HS3ST2: variants seen among roughly 807,000 people sequenced by gnomAD.
HS3ST2 encodes the protein heparan sulfate-glucosamine 3-sulfotransferase 2.
Under a neutral mutation model 26.3 loss-of-function variants are expected in HS3ST2, and 17 were observed. The observed-to-expected ratio is 0.65, with a 90% CI of 0.44 to 0.97. HS3ST2 has a LOEUF of 0.97. HS3ST2 is among the 50% of genes least tolerant of loss of function. HS3ST2 has a pLI of 0.00. For missense variants in HS3ST2, 402 were observed against 501.2 expected (o/e 0.80, Z 1.89); for synonymous variants, 237 against 219.2 (o/e 1.08, Z -0.72).
rs150544341 is a variant in HS3ST2, at chr16:22,848,722, C to T, written c.485+33627C>T. 1.8e-3 allele frequency among the ~76,000 whole-genome samples: 269 copies of T among 152,320 alleles called. 1 individual carries two copies. Among genetic ancestry groups the T allele is most frequent in the African/African-American group, 5.9e-3 (246 of 41,578 alleles). ...GCTGGTCTCTTGGAAAAGTGCTCTA[C>T]GTATTCAAGTTGATTTCTCTCTCCC... On this transcript the variant is annotated intron_variant, in intron 1 of 1. Coordinates refer to ENST00000261374, the MANE Select transcript of HS3ST2 (RefSeq NM_006043.2).
chr16:22,861,514 GGA>G (rs1901673983), intron 1 of HS3ST2, among the ~76,000 whole-genome samples: 1 of 151,960 alleles, frequency 6.6e-6, no homozygotes, highest in African/African-American at 2.4e-5. Flanking sequence ...ACCATCCCCA[GGA>G]CCAGCCTTGG....
intron 1 of HS3ST2, among the ~76,000 whole-genome samples, chr16:22,827,950 T>C (rs1476461626): frequency 3.9e-5 from 6 of 152,014 alleles, no homozygotes; most frequent in Admixed American, 3.9e-4. Flanking sequence ...CAAGCAATCC[T>C]CCTGCCTTGG....
intron 1 of HS3ST2, among the ~76,000 whole-genome samples, chr16:22,874,462 G>A (rs1901883718): frequency 6.6e-6 from 1 of 152,176 alleles, no homozygotes; most frequent in South Asian, 2.1e-4. Flanking sequence ...AGACACCGCT[G>A]TCCTCAAGCC....
intron 1 of HS3ST2, among the ~76,000 whole-genome samples, chr16:22,841,018 T>A (rs1044775899): frequency 3.0e-5 from 4 of 134,878 alleles, no homozygotes; most frequent in Non-Finnish European, 6.2e-5. Context: ...CCTGTGTCCA[T>A]GTGTTCTCAT....
Position 22,915,300 on chromosome 16 carries a change from C to T in HS3ST2, c.842C>T (p.Pro281Leu), listed in dbSNP as rs1364063515. 3 of 1,613,856 alleles carry T rather than the reference C, an allele frequency of 1.9e-6. No homozygotes were observed. The highest frequency in any genetic ancestry group is 2.5e-6 in the Non-Finnish European group (3 of 1,180,010). The stretch of plus-strand genomic sequence containing the variant: ...AGTGGCGAGCGACTCATCACTGACC[C>T]GGCCGGCGAGATGGGGCGAGTCCAG... Reference protein sequence around the residue: ...FVSGERLITDPAGEMGRVQDF... With the variant: ...FVSGERLITDLAGEMGRVQDF... The change falls in exon 2 of 2, where the codon CCG becomes CTG. Residue 281 changes from proline to leucine, a missense_variant. Pro to Leu is a moderately conservative substitution (Grantham distance 98). Transcript: ENST00000261374.
intron 1 of HS3ST2, among the ~76,000 whole-genome samples, chr16:22,819,713 T>G (rs191890843): frequency 6.6e-6 from 1 of 152,354 alleles, no homozygotes; most frequent in East Asian, 1.9e-4. Context: ...TCAGCATCGA[T>G]GATGTTCTTG....
Position 22,883,281 on chromosome 16 carries a change from C to A in HS3ST2, c.486-31663C>A, listed in dbSNP as rs558925864. ...GACAACTATTGTCCATAACATCAGCCCTGCAACTCAGTCTGAGGGTTTAAA... is the reference window on the plus strand; with the variant it reads ...GACAACTATTGTCCATAACATCAGCACTGCAACTCAGTCTGAGGGTTTAAA... On this transcript the variant is annotated intron_variant, in intron 1 of 1. Transcript: ENST00000261374. Among the ~76,000 whole-genome samples the A allele has an allele frequency of 3.3e-5, 5 of 152,312 alleles. No homozygotes were observed. The South Asian group carries it at 6.2e-4, about 19-fold the overall frequency.
chr16:22,854,009 T>TCC (rs1901554679), intron 1 of HS3ST2, among the ~76,000 whole-genome samples: 1 of 152,138 alleles, frequency 6.6e-6, no homozygotes, highest in Non-Finnish European at 1.5e-5. Flanking sequence ...ACCCATGTGG[T>TCC]CTCACTATTG....
chr16:22,877,825 T>A (rs568397557), intron 1 of HS3ST2, among the ~76,000 whole-genome samples: 2 of 152,298 alleles, frequency 1.3e-5, no homozygotes, highest in South Asian at 2.1e-4. Flanking sequence ...GACAGTGCCG[T>A]GTAATGAGTG....
chr16:22,904,964 G>C (rs1207389761), intron 1 of HS3ST2, among the ~76,000 whole-genome samples: 1 of 152,208 alleles, frequency 6.6e-6, no homozygotes, highest in Non-Finnish European at 1.5e-5. Context: ...CTGCCACATG[G>C]CTCAGTGTGT....
rs1205996719 is a variant in HS3ST2 at position 22,915,902 on chromosome 16, T to C, written c.*340T>C. ...TAGATATTATAAGCGATGATGGTTC[T>C]GTTGCTATGAACACAGCAGTCGGTC... is the stretch of plus-strand genomic sequence containing the variant. On this transcript the variant is annotated 3_prime_UTR_variant, in exon 2 of 2. Coordinates refer to ENST00000261374, the MANE Select transcript of HS3ST2 (RefSeq NM_006043.2). 2 of 263,346 alleles carry C rather than the reference T, an allele frequency of 7.6e-6. No homozygotes were observed. Among genetic ancestry groups the C allele is most frequent in the Non-Finnish European group, 1.4e-5 (2 of 138,618 alleles). 16.3% of individuals were successfully genotyped at this position (263,346 alleles called of 1,614,324 possible).
rs1317912710 is a variant in HS3ST2, at chr16:22,818,831, TTCCC to T, written c.485+3740_485+3743del. On this transcript the variant is annotated intron_variant, in intron 1 of 1. Transcript: ENST00000261374. ...CTTCCTTCCTTCCTTCCTTCCTTCCTTCCCTCCTTCCTTCCTCCCTCCCTCCCTC... is the reference window on the plus strand; with the variant it reads ...CTTCCTTCCTTCCTTCCTTCCTTCCTTCCTTCCTTCCTCCCTCCCTCCCTC... Among the ~76,000 whole-genome samples, 11 of 23,758 alleles carry T rather than the reference TTCCC, an allele frequency of 4.6e-4. 2 individuals are homozygous for T. The highest frequency in any genetic ancestry group is 2.3e-3 in the South Asian group (1 of 430). 15.6% of individuals were successfully genotyped at this position (23,758 alleles called of 152,430 possible). A position where few individuals can be genotyped will look rare whatever the true frequency, so the allele number is the denominator to read the frequency against.
chr16:22,888,006 G>T (rs1902084484), intron 1 of HS3ST2, among the ~76,000 whole-genome samples: 1 of 152,160 alleles, frequency 6.6e-6, no homozygotes, highest in Non-Finnish European at 1.5e-5. Flanking sequence ...CAGCTTTCTT[G>T]TTCTTCAGTT....
chr16:22,879,607 G>A (rs1901961740), intron 1 of HS3ST2, among the ~76,000 whole-genome samples: 1 of 152,192 alleles, frequency 6.6e-6, no homozygotes, highest in South Asian at 2.1e-4. Flanking sequence ...GATTAGCTGT[G>A]TCTGAGGTGT....
intron 1 of HS3ST2, among the ~76,000 whole-genome samples, chr16:22,873,627 C>T (rs1304310773): frequency 1.3e-5 from 2 of 152,158 alleles, no homozygotes; most frequent in Non-Finnish European, 2.9e-5. Context: ...CTAGTCTATC[C>T]TGGTAACCTC....
intron 1 of HS3ST2, among the ~76,000 whole-genome samples, chr16:22,819,136 CTTCCT>C (rs1900950300): frequency 1.3e-5 from 1 of 75,300 alleles, no homozygotes; most frequent in African/African-American, 5.0e-5. Flanking sequence ...TCCTTCATTC[CTTCCT>C]TCCTTCCTTC....
At chr16:22,891,296 T>C (rs1422700618) in intron 1 of HS3ST2, among the ~76,000 whole-genome samples, 1 of 152,212 alleles carries the variant, frequency 6.6e-6, no homozygotes, top group Non-Finnish European at 1.5e-5. Context: ...CATCAGAACA[T>C]ACTGAGAAAT....
Position 22,843,806 on chromosome 16 carries a change from A to C in HS3ST2, c.485+28711A>C, listed in dbSNP as rs145702740. Among the ~76,000 whole-genome samples, 748 of 152,288 alleles carry C rather than the reference A, an allele frequency of 4.9e-3. 8 individuals are homozygous for C. The highest frequency in any genetic ancestry group is 0.016 in the African/African-American group (670 of 41,562). On this transcript the variant is annotated intron_variant, in intron 1 of 1. Transcript: ENST00000261374. ...AGATGTCAGCATTCCTTTCTCCAGC[A>C]TATAGGGTGGAGACCCTCTCTGGGG...
At chr16:22,887,044 G>T (rs1902070353) in intron 1 of HS3ST2, among the ~76,000 whole-genome samples, 1 of 152,128 alleles carries the variant, frequency 6.6e-6, no homozygotes, top group Non-Finnish European at 1.5e-5. Context: ...AAGCCACCAT[G>T]CCTGATCTAA....
Sources: allele counts gnomAD v4.1 joint callset (sites outside exome capture counted in the v4.1 genomes callset), GRCh38; gene constraint gnomAD v4.1.1; transcripts MANE v1.5; gene names NCBI Gene and HGNC (gene_info 2026-07-23, HGNC 2026-07-21).